Variants in SFMBT2 observed in about 807,000 individuals in gnomAD.
SFMBT2 encodes the protein Scm like with four mbt domains 2.
A neutral mutation model predicts 110.1 loss-of-function variants in SFMBT2; 38 were observed. That is an observed-to-expected ratio of 0.35 (90% CI 0.27 to 0.45). The LOEUF is 0.45. SFMBT2 is among the 20% of genes least tolerant of loss of function. The probability of loss-of-function intolerance (pLI) is 1.00; values close to 1 mark genes in which losing one functional copy is unlikely to be tolerated. For missense variants in SFMBT2, 1,011 were observed against 1,094.9 expected, an observed-to-expected ratio of 0.92 and a Z score of 1.08; for synonymous variants, 425 against 425.4, an observed-to-expected ratio of 1.00 and a Z score of 0.01.
chr10:7,246,555 C>T (rs1001339785), intron 8 of SFMBT2, among the ~76,000 whole-genome samples: 6 of 151,816 alleles, frequency 4.0e-5, no homozygotes, highest in African/African-American at 1.5e-4. Flanking sequence ...CCCATCTCCA[C>T]TAAAAACACA....
chr10:7,194,498 T>A (rs978962173), intron 15 of SFMBT2, among the ~76,000 whole-genome samples: 1 of 152,170 alleles, frequency 6.6e-6, no homozygotes, highest in Non-Finnish European at 1.5e-5. Flanking sequence ...CCGCTCTCAC[T>A]GCACATCTCC....
chr10:7,361,230 A>C (rs1007951154), intron 4 of SFMBT2, among the ~76,000 whole-genome samples: 10 of 152,248 alleles, frequency 6.6e-5, no homozygotes, highest in Admixed American at 5.9e-4. Context: ...AATGTCAGAT[A>C]ACCAAAGAAA....
chr10:7,329,098 G>C (rs1009178560), intron 4 of SFMBT2, among the ~76,000 whole-genome samples: 5 of 152,208 alleles, frequency 3.3e-5, no homozygotes, highest in Admixed American at 6.5e-5. Flanking sequence ...GTAAGCAACA[G>C]ATATACTGGG....
chr10:7,388,482 C>T (rs986212653), intron 1 of SFMBT2, among the ~76,000 whole-genome samples: 10 of 150,850 alleles, frequency 6.6e-5, no homozygotes, highest in East Asian at 3.9e-4. Context: ...CTCAGTCTCC[C>T]GAGTAGCTGG....
In SFMBT2 at chr10:7,163,659, A is replaced by G; in HGVS notation, c.*111T>C. 2.1e-6 allele frequency: 2 copies of G among 946,090 alleles called. No individual in the cohort carries two copies. The highest frequency in any genetic ancestry group is 3.2e-6 in the Non-Finnish European group (2 of 630,674). 58.6% of individuals were successfully genotyped at this position (946,090 alleles called of 1,614,324 possible). On this transcript the variant is annotated 3_prime_UTR_variant, in exon 21 of 21. Coordinates refer to ENST00000397167, the MANE Select transcript of SFMBT2 (RefSeq NM_001387889.1). The surrounding 1 kb of genome is among the most constrained non-coding windows in gnomAD (Gnocchi z 4.8). ...ATCCTGGGCTTCTGGTTTTCTGGTG[A>G]TACTTAGTGGCTGTACCATTTAACA...
chr10:7,397,535 G>A (rs1330061978), intron 1 of SFMBT2, among the ~76,000 whole-genome samples: 3 of 152,036 alleles, frequency 2.0e-5, no homozygotes, highest in African/African-American at 7.2e-5. Flanking sequence ...TCACACTCCA[G>A]GAATTTCAAA....
At chr10:7,319,296 T>C (rs1413735412) in intron 4 of SFMBT2, among the ~76,000 whole-genome samples, 1 of 152,158 alleles carries the variant, frequency 6.6e-6, no homozygotes, top group Non-Finnish European at 1.5e-5. Flanking sequence ...AGCAATTAAT[T>C]CCCCGGCGTT....
chr10:7,336,552 G>A (rs903117430), intron 4 of SFMBT2, among the ~76,000 whole-genome samples: 1 of 152,192 alleles, frequency 6.6e-6, no homozygotes, highest in Non-Finnish European at 1.5e-5. Flanking sequence ...CACTTGGGAA[G>A]GCTGAGGCGG....
At chr10:7,252,557 TG>T (rs913266612) in intron 7 of SFMBT2, among the ~76,000 whole-genome samples, 7 of 152,132 alleles carry the variant, frequency 4.6e-5, no homozygotes, top group Admixed American at 4.6e-4. Flanking sequence ...TCTATAACAA[TG>T]AACATAAAAC....
chr10:7,266,937 C>T (rs773842255), intron 7 of SFMBT2, among the ~76,000 whole-genome samples: 2 of 152,192 alleles, frequency 1.3e-5, no homozygotes, highest in South Asian at 4.2e-4. Flanking sequence ...GGGTCTGTGG[C>T]TGCAATCTGG....
At chr10:7,265,106 A>T (rs545865018) in intron 7 of SFMBT2, among the ~76,000 whole-genome samples, 1 of 151,158 alleles carries the variant, frequency 6.6e-6, no homozygotes, top group African/African-American at 2.4e-5. Flanking sequence ...TTTTAATTTT[A>T]TGTTTTGATT....
chr10:7,205,884 TG>T lies in SFMBT2; in HGVS notation c.1374del (p.Met459TrpfsTer16). ...PVPEVIVDVE[S>X]MDIFPVGWCE... ...CACCAGCCCACTGGGAAGATGTCCA[TG>T]GATTCCACATCAACAATGACCTCTG... On this transcript the variant is annotated frameshift_variant, in exon 12 of 21. Coordinates refer to ENST00000397167, the MANE Select transcript of SFMBT2 (RefSeq NM_001387889.1). LOFTEE classifies it high-confidence loss of function. 6.2e-7 allele frequency: 1 copy of T among 1,614,106 alleles called. No homozygotes were observed. The highest frequency in any genetic ancestry group is 1.7e-5 in the Admixed American group (1 of 60,028).
intron 1 of SFMBT2, among the ~76,000 whole-genome samples, chr10:7,398,330 G>GA (rs1318974742): frequency 4.6e-5 from 7 of 152,294 alleles, no homozygotes; most frequent in African/African-American, 1.7e-4. Flanking sequence ...TGCAAAATGA[G>GA]AAAAACAAGA....
chr10:7,391,343 A>T (rs1380706629), intron 1 of SFMBT2, among the ~76,000 whole-genome samples: 1 of 150,582 alleles, frequency 6.6e-6, no homozygotes, highest in Non-Finnish European at 1.5e-5. Context: ...GCACGTGCGT[A>T]TAATCCCAGC....
rs1375648850 is a variant in SFMBT2 at position 7,163,554 on chromosome 10, T to G, written c.*216A>C. 5 of 520,674 alleles carry G rather than the reference T, an allele frequency of 9.6e-6. No individual in the cohort carries two copies. The highest frequency in any genetic ancestry group is 3.5e-5 in the Admixed American group (1 of 28,736). 32.3% of individuals were successfully genotyped at this position (520,674 alleles called of 1,614,324 possible). On this transcript the variant is annotated 3_prime_UTR_variant, in exon 21 of 21. Transcript: ENST00000397167. This position sits in a 1 kb window ranked among gnomAD's most constrained non-coding sequence, Gnocchi z 4.8. ...CGTCTGGCAGGGTCTGATGCATGAC[T>G]TTAACTGGCACTCCCCAGAAGCGAC...
intron 4 of SFMBT2, among the ~76,000 whole-genome samples, chr10:7,290,667 C>T (rs1304698229): frequency 6.6e-6 from 1 of 151,988 alleles, no homozygotes; most frequent in Non-Finnish European, 1.5e-5. Context: ...AAGACCCCAT[C>T]TCTACAATTT....
chr10:7,371,557 T>G (rs886548815), intron 2 of SFMBT2, among the ~76,000 whole-genome samples: 20 of 152,374 alleles, frequency 1.3e-4, no homozygotes, highest in Admixed American at 1.0e-3. Context: ...TAATGCATTT[T>G]AACATATACA....
intron 4 of SFMBT2, among the ~76,000 whole-genome samples, chr10:7,291,511 T>C (rs1842260692): frequency 6.6e-6 from 1 of 152,206 alleles, no homozygotes. Context: ...TCTCCTCCCC[T>C]ATTCCCCGGG....
Position 7,367,574 on chromosome 10 carries a change from T to C in SFMBT2, c.436+75A>G, listed in dbSNP as rs1844946855. 2.6e-6 allele frequency: 4 copies of C among 1,555,034 alleles called. No individual in the cohort carries two copies. The South Asian group carries it at 3.7e-5, about 14-fold the overall frequency. On this transcript the variant is annotated intron_variant, in intron 4 of 20. Coordinates refer to ENST00000397167, the MANE Select transcript of SFMBT2 (RefSeq NM_001387889.1). This position sits in a 1 kb window ranked among gnomAD's most constrained non-coding sequence, Gnocchi z 6.2. ...ATTAGGGATTCTACGCAAGGTTCTC[T>C]CTGCTCCTTGCAAAATTACAGGCGT...
Sources: allele counts gnomAD v4.1 joint callset (sites outside exome capture counted in the v4.1 genomes callset), GRCh38; gene constraint gnomAD v4.1.1; non-coding constraint Gnocchi (gnomAD v3.1); transcripts MANE v1.5; gene names NCBI Gene and HGNC (gene_info 2026-07-23, HGNC 2026-07-21).